CNTNAP2: variants seen among roughly 807,000 people sequenced by gnomAD.
CNTNAP2 encodes contactin associated protein 2, also known as contactin-associated protein-like 2.
In CNTNAP2, 98 loss-of-function variants were observed where a neutral mutation model predicts 155.2. The observed-to-expected ratio is 0.63, with a 90% CI of 0.54 to 0.75. The LOEUF (loss-of-function observed/expected upper bound fraction) is 0.75. Ranked by LOEUF, CNTNAP2 falls within the 30% of genes least tolerant of loss-of-function variation. CNTNAP2 has a pLI of 0.00. For synonymous variants in CNTNAP2, 651 were observed against 631.2 expected (o/e 1.03, Z -0.47); for missense variants, 1,727 against 1,688.1 (o/e 1.02, Z -0.40).
chr7:146,159,479 C>A (rs1798182010), intron 1 of CNTNAP2, among the ~76,000 whole-genome samples: 1 of 152,092 alleles, frequency 6.6e-6, no homozygotes, highest in Non-Finnish European at 1.5e-5. Flanking sequence ...CATCAGTGTG[C>A]TGTATTCAGG....
intron 1 of CNTNAP2, among the ~76,000 whole-genome samples, chr7:146,357,961 C>G (rs761223666): frequency 1.3e-4 from 19 of 151,656 alleles, no homozygotes; most frequent in Admixed American, 5.3e-4. Context: ...TTAAAGAGTT[C>G]TGCAAACTCA....
chr7:148,247,680 G>T (rs1481656163), intron 20 of CNTNAP2, among the ~76,000 whole-genome samples: 2 of 141,982 alleles, frequency 1.4e-5, no homozygotes, highest in Admixed American at 7.2e-5. Flanking sequence ...TGGAGATAGA[G>T]TCCCACTCTG....
chr7:148,274,008 A>G (rs2116850290), intron 21 of CNTNAP2, among the ~76,000 whole-genome samples: 1 of 152,306 alleles, frequency 6.6e-6, no homozygotes, highest in East Asian at 1.9e-4. Flanking sequence ...GTGAAATCAT[A>G]TACTGTGATA....
At chr7:146,401,029 A>G (rs911173980) in intron 1 of CNTNAP2, among the ~76,000 whole-genome samples, 6 of 152,242 alleles carry the variant, frequency 3.9e-5, no homozygotes, top group East Asian at 1.9e-4. Flanking sequence ...CAAGCAAACC[A>G]GAAAGTCTTC....
At chr7:146,436,675 A>ATCCATTGGGGTGTGTGTGTGTGCGTGCGC (rs1796248184) in intron 1 of CNTNAP2, among the ~76,000 whole-genome samples, 1 of 151,946 alleles carries the variant, frequency 6.6e-6, no homozygotes, top group African/African-American at 2.4e-5. Context: ...AGAAACCTCT[A>ATCCATTGGGGTGTGTGTGTGTGCGTGCGC]AAACTTGATA....
chr7:146,418,660 C>A (rs1340244514), intron 1 of CNTNAP2, among the ~76,000 whole-genome samples: 3 of 152,114 alleles, frequency 2.0e-5, no homozygotes, highest in Non-Finnish European at 4.4e-5. Flanking sequence ...TTGGTACATT[C>A]TTTCTCTCAC....
intron 1 of CNTNAP2, among the ~76,000 whole-genome samples, chr7:146,442,922 A>G (rs1034898288): frequency 6.6e-6 from 1 of 152,044 alleles, no homozygotes; most frequent in African/African-American, 2.4e-5. Context: ...AAATAAAAAC[A>G]TGGGCCGGGC....
At chr7:148,099,403 A>G (rs1804046818) in intron 15 of CNTNAP2, among the ~76,000 whole-genome samples, 1 of 148,734 alleles carries the variant, frequency 6.7e-6, no homozygotes, top group African/African-American at 2.5e-5. Flanking sequence ...AATTCCTTGC[A>G]AGAAAAAAGC....
Position 148,070,437 on chromosome 7 carries a change from G to T in CNTNAP2, c.2384-47681G>T, listed in dbSNP as rs976354820. The stretch of plus-strand genomic sequence containing the variant: ...TTTATTTCTTAAAAAACAGTTTTGG[G>T]CTGGGCACCGTGGCTCATGCCTGTA... On this transcript the variant is annotated intron_variant, in intron 15 of 23. Coordinates refer to ENST00000361727, the MANE Select transcript of CNTNAP2 (RefSeq NM_014141.6). Among the ~76,000 whole-genome samples, 5 of 152,218 alleles carry T rather than the reference G, an allele frequency of 3.3e-5. No individual in the cohort carries two copies. In the East Asian group the frequency reaches 7.7e-4, roughly 23 times the overall value.
chr7:148,042,440 C>A (rs879933166), intron 15 of CNTNAP2, among the ~76,000 whole-genome samples: 4 of 152,160 alleles, frequency 2.6e-5, no homozygotes, highest in Non-Finnish European at 5.9e-5. Context: ...TGGTTCTAAG[C>A]GTGTTAGCAT....
chr7:147,475,947 A>G lies in CNTNAP2; in HGVS notation c.1671-9988A>G, dbSNP rs536830340. Among the ~76,000 whole-genome samples, 442 of 152,234 alleles carry G rather than the reference A, an allele frequency of 2.9e-3. 2 individuals carry two copies. Among genetic ancestry groups the G allele is most frequent in the African/African-American group, 0.01 (421 of 41,558 alleles). On this transcript the variant is annotated intron_variant, in intron 10 of 23. Transcript: ENST00000361727. Reference sequence around the variant, plus strand: ...TATTTATTTCTGGATTTTTAATTCTATTCTATTGATCTATCTATATTTTAA... The same window carrying G: ...TATTTATTTCTGGATTTTTAATTCTGTTCTATTGATCTATCTATATTTTAA...
intron 1 of CNTNAP2, among the ~76,000 whole-genome samples, chr7:146,426,554 TAA>T (rs1309072238): frequency 1.9e-4 from 29 of 150,230 alleles, no homozygotes; most frequent in African/African-American, 6.3e-4. Context: ...TAAAAATATT[TAA>T]GAGCATTAAT....
intron 18 of CNTNAP2, among the ~76,000 whole-genome samples, chr7:148,214,829 A>G (rs1438552147): frequency 1.3e-5 from 2 of 152,162 alleles, no homozygotes; most frequent in Non-Finnish European, 2.9e-5. Flanking sequence ...TCGACCTACC[A>G]AAGTGCTGGG....
chr7:148,122,630 G>A (rs1418365107), intron 16 of CNTNAP2, among the ~76,000 whole-genome samples: 1 of 152,108 alleles, frequency 6.6e-6, no homozygotes, highest in Non-Finnish European at 1.5e-5. Context: ...GACCCTGAAG[G>A]CTATGGAGAG....
At chr7:146,853,788 G>A (rs1340683317) in intron 3 of CNTNAP2, among the ~76,000 whole-genome samples, 1 of 152,114 alleles carries the variant, frequency 6.6e-6, no homozygotes, top group East Asian at 1.9e-4. Flanking sequence ...CTAGGAAAGT[G>A]CCTTGACTAT....
chr7:146,774,310 T>C lies in CNTNAP2; in HGVS notation c.137T>C (p.Val46Ala), dbSNP rs1802349710. ...DEPLVSGLPHVAFSSSSSISG... is the reference protein window; with the variant it reads ...DEPLVSGLPHAAFSSSSSISG... ...CCACTTGTCTCTGGACTCCCCCATG[T>C]GGCTTTCAGCAGCTCCTCCTCCATC... Residue 46 changes from valine to alanine, a missense_variant, in exon 2 of 24, where the codon GTG (valine) becomes GCG (alanine). By Grantham distance (64) the Val-to-Ala change is moderately conservative. Coordinates refer to ENST00000361727, the MANE Select transcript of CNTNAP2 (RefSeq NM_014141.6). 1 of 1,614,054 alleles carries C rather than the reference T, an allele frequency of 6.2e-7. No homozygotes were observed. The highest frequency in any genetic ancestry group is 1.3e-5 in the African/African-American group (1 of 75,046).
chr7:146,827,052 C>G (rs1009232465), intron 2 of CNTNAP2, among the ~76,000 whole-genome samples: 51 of 151,944 alleles, frequency 3.4e-4, no homozygotes, highest in African/African-American at 1.2e-3. Flanking sequence ...TACATAATCT[C>G]TGTCGTTCTT....
intron 1 of CNTNAP2, among the ~76,000 whole-genome samples, chr7:146,126,982 T>C (rs1294165780): frequency 6.6e-6 from 1 of 152,160 alleles, no homozygotes; most frequent in Admixed American, 6.6e-5. Context: ...TAGCTTATCA[T>C]CTATATCTAT....
At chr7:146,600,303 A>C (rs1798930593) in intron 1 of CNTNAP2, among the ~76,000 whole-genome samples, 1 of 152,158 alleles carries the variant, frequency 6.6e-6, no homozygotes, top group Non-Finnish European at 1.5e-5. Context: ...TTTTGACATT[A>C]AATTATATTG....
Sources: allele counts gnomAD v4.1 joint callset (sites outside exome capture counted in the v4.1 genomes callset), GRCh38; gene constraint gnomAD v4.1.1; transcripts MANE v1.5; gene names NCBI Gene and HGNC (gene_info 2026-07-23, HGNC 2026-07-21).